The following CNIH3 variants were observed in gnomAD, a reference collection of about 807,000 sequenced individuals.
The protein encoded by CNIH3 is cornichon family AMPA receptor auxiliary protein 3.
Under a neutral mutation model 24.1 loss-of-function variants are expected in CNIH3, and 14 were observed. The observed-to-expected ratio is 0.58, with a 90% confidence interval of 0.38 to 0.91. The LOEUF (loss-of-function observed/expected upper bound fraction) is 0.91, where lower values mean the gene tolerates loss of function less well. CNIH3 is among the 40% of genes least tolerant of loss of function. The pLI is 0.00. For synonymous variants in CNIH3, 68 were observed against 73.8 expected, an observed-to-expected ratio of 0.92 and a Z score of 0.40; for missense variants, 178 against 196.8, an observed-to-expected ratio of 0.90 and a Z score of 0.57.
At chr1:224,603,880 G>A (rs952984292) in intron 3 of CNIH3, among the ~76,000 whole-genome samples, 1 of 152,134 alleles carries the variant, frequency 6.6e-6, no homozygotes, top group Non-Finnish European at 1.5e-5. Flanking sequence ...ACATTAATAC[G>A]TGTATCCACA....
rs183356214 is a variant in CNIH3, at chr1:224,569,063, T to C, written n.516+2799T>C. The stretch of plus-strand genomic sequence containing the variant: ...TTGTATTTTTAGTAGAGACGGGGTT[T>C]CTCCATGTTGGTCAGGCTGGTCTCG... On this transcript the variant is annotated intron_variant and non_coding_transcript_variant, in intron 4 of 5. Transcript: ENST00000471578. Among the ~76,000 whole-genome samples the C allele has an allele frequency of 3.3e-5, 5 of 152,296 alleles. No individual in the cohort carries two copies. The East Asian group carries it at 9.7e-4, about 29-fold the overall frequency.
At chr1:224,441,680 TG>T (rs1430046299) in intron 1 of CNIH3, among the ~76,000 whole-genome samples, 1 of 152,212 alleles carries the variant, frequency 6.6e-6, no homozygotes, top group Non-Finnish European at 1.5e-5. Flanking sequence ...GTAGATGTAA[TG>T]GACCAATAAC....
intron 3 of CNIH3, among the ~76,000 whole-genome samples, chr1:224,700,390 G>C (rs1002477013): frequency 1.3e-5 from 2 of 152,182 alleles, no homozygotes; most frequent in South Asian, 4.1e-4. Flanking sequence ...GGGAGGACAT[G>C]TTTCAGTCTG....
chr1:224,738,971 G>A (rs1402747166), intron 5 of CNIH3, among the ~76,000 whole-genome samples: 1 of 152,090 alleles, frequency 6.6e-6, no homozygotes, highest in African/African-American at 2.4e-5. Context: ...GCAGCTGGTG[G>A]CATAAAGAAT....
At chr1:224,513,528 G>T (rs984775542), upstream of CNIH3, among the ~76,000 whole-genome samples, 7 of 152,070 alleles carry the variant, frequency 4.6e-5, no homozygotes, top group Non-Finnish European at 8.8e-5. Flanking sequence ...CCACTTCCCA[G>T]CCTCAGTTCA....
intron 1 of CNIH3, among the ~76,000 whole-genome samples, chr1:224,628,260 TA>T (rs1475356550): frequency 5.9e-5 from 9 of 152,164 alleles, no homozygotes; most frequent in Non-Finnish European, 1.0e-4. Context: ...TCCCTTAACT[TA>T]AAAAAATTTG....
intron 3 of CNIH3, among the ~76,000 whole-genome samples, chr1:224,712,725 C>G (rs541316740): frequency 6.6e-6 from 1 of 152,284 alleles, no homozygotes; most frequent in Admixed American, 6.5e-5. Context: ...CTCTTTGCTT[C>G]CAGGGTTTAA....
intron 3 of CNIH3, among the ~76,000 whole-genome samples, chr1:224,603,528 G>A (rs1178685560): frequency 6.6e-6 from 1 of 152,066 alleles, no homozygotes; most frequent in Non-Finnish European, 1.5e-5. Context: ...CCTTCAGCTC[G>A]GCAATCCCTA....
At chr1:224,614,545 T>G (rs1247671987), upstream of CNIH3, among the ~76,000 whole-genome samples, 1 of 152,164 alleles carries the variant, frequency 6.6e-6, no homozygotes, top group Non-Finnish European at 1.5e-5. Flanking sequence ...GGTGTGGTGG[T>G]GCATGCCTGT....
chr1:224,564,017 A>G (rs1680481476), intron 3 of CNIH3, among the ~76,000 whole-genome samples: 1 of 152,186 alleles, frequency 6.6e-6, no homozygotes, highest in Admixed American at 6.5e-5. Flanking sequence ...AGATCCTGGA[A>G]AGGAATAGGT....
intron 3 of CNIH3, among the ~76,000 whole-genome samples, chr1:224,691,392 G>A (rs1686925615): frequency 6.6e-6 from 1 of 152,240 alleles, no homozygotes; most frequent in Admixed American, 6.5e-5. Context: ...TCTGCCAGGT[G>A]ACAGGACTTG....
chr1:224,500,761 C>T (rs1441114832), intron 1 of CNIH3, among the ~76,000 whole-genome samples: 1 of 152,178 alleles, frequency 6.6e-6, no homozygotes, highest in Non-Finnish European at 1.5e-5. Context: ...GTACATCTGC[C>T]CCTGCACCAA....
chr1:224,501,947 G>C (rs1277522043), intron 1 of CNIH3, among the ~76,000 whole-genome samples: 2 of 152,172 alleles, frequency 1.3e-5, no homozygotes, highest in Non-Finnish European at 2.9e-5. Flanking sequence ...TCTGTGGTGA[G>C]GAGGCTGGAG....
intron 2 of CNIH3, among the ~76,000 whole-genome samples, chr1:224,526,759 C>T (rs1678863190): frequency 6.6e-6 from 1 of 152,126 alleles, no homozygotes; most frequent in Non-Finnish European, 1.5e-5. Context: ...GTTTAACTGG[C>T]CCATGGTTCT....
intron 1 of CNIH3, among the ~76,000 whole-genome samples, chr1:224,617,710 C>T (rs1683084409): frequency 6.6e-6 from 1 of 152,130 alleles, no homozygotes; most frequent in African/African-American, 2.4e-5. Flanking sequence ...GGAAACACGA[C>T]GGGAGCGCCT....
intron 3 of CNIH3, among the ~76,000 whole-genome samples, chr1:224,728,007 T>TTGATTTATTTGGG (rs1347979126): frequency 2.0e-5 from 3 of 152,088 alleles, no homozygotes; most frequent in African/African-American, 7.2e-5. Flanking sequence ...GGTTGCAGCC[T>TTGATTTATTTGGG]CCACAATAAA....
At chr1:224,698,328 A>T (rs770768647) in intron 3 of CNIH3, among the ~76,000 whole-genome samples, 9 of 152,244 alleles carry the variant, frequency 5.9e-5, no homozygotes, top group Non-Finnish European at 1.3e-4. Context: ...GAGGACAATG[A>T]TCACCGATTA....
At chr1:224,549,815 C>T (rs1268345761) in intron 3 of CNIH3, among the ~76,000 whole-genome samples, 1 of 151,884 alleles carries the variant, frequency 6.6e-6, no homozygotes, top group Non-Finnish European at 1.5e-5. Context: ...CTTACATTTA[C>T]AATTACAAAT....
chr1:224,601,873 G>A (rs1158923654), intron 3 of CNIH3, among the ~76,000 whole-genome samples: 1 of 152,224 alleles, frequency 6.6e-6, no homozygotes, highest in Admixed American at 6.5e-5. Flanking sequence ...ATTGAATACA[G>A]TGACTTAGTG....
Sources: gnomAD v4.1 joint callset for allele counts (sites outside exome capture counted in the v4.1 genomes callset) on GRCh38, gnomAD v4.1.1 for gene constraint, MANE v1.5 for transcripts, NCBI Gene and HGNC (gene_info 2026-07-23, HGNC 2026-07-21) for gene names.